Variants in CAMK1D observed in about 807,000 individuals in gnomAD.
CAMK1D encodes the protein calcium/calmodulin-dependent protein kinase type 1D.
CAMK1D carries 9 observed loss-of-function variants against 47.7 expected under a neutral mutation model. The observed-to-expected ratio is 0.19, with a 90% confidence interval of 0.11 to 0.33. The LOEUF is 0.33. Among genes scored for constraint, CAMK1D ranks in the 10% least tolerant of loss-of-function variants. The pLI is 1.00. For missense variants in CAMK1D, 291 were observed against 488.7 expected, an observed-to-expected ratio of 0.60 and a Z score of 3.81; for synonymous variants, 184 against 184.9, an observed-to-expected ratio of 0.99 and a Z score of 0.04.
intron 2 of CAMK1D, among the ~76,000 whole-genome samples, chr10:12,567,364 C>T (rs2132304436): frequency 6.6e-6 from 1 of 152,274 alleles, no homozygotes; most frequent in African/African-American, 2.4e-5. Flanking sequence ...TGATGGACAA[C>T]AGAGCGAGTC....
intron 1 of CAMK1D, among the ~76,000 whole-genome samples, chr10:12,384,614 T>G (rs1368067612): frequency 2.6e-5 from 4 of 152,308 alleles, no homozygotes; most frequent in Non-Finnish European, 5.9e-5. Flanking sequence ...AAAATAGTGC[T>G]GGAGCAACTA....
intron 1 of CAMK1D, among the ~76,000 whole-genome samples, chr10:12,373,621 G>C (rs1023306474): frequency 1.3e-5 from 2 of 151,996 alleles, no homozygotes; most frequent in Non-Finnish European, 2.9e-5. Flanking sequence ...GACAGAGGGA[G>C]GCTCCATCTC....
intron 1 of CAMK1D, among the ~76,000 whole-genome samples, chr10:12,423,075 C>T (rs904319126): frequency 1.3e-5 from 2 of 152,170 alleles, no homozygotes; most frequent in South Asian, 2.1e-4. Flanking sequence ...CTAGAAAGCA[C>T]GCGATGTTTT....
intron 1 of CAMK1D, among the ~76,000 whole-genome samples, chr10:12,352,740 C>A (rs112133012): frequency 1.8e-5 from 1 of 54,170 alleles, no homozygotes; most frequent in African/African-American, 6.9e-5. Flanking sequence ...TGTGGACTTT[C>A]TTTTTTTTTT....
chr10:12,735,322 T>A (rs1266807041), intron 3 of CAMK1D, among the ~76,000 whole-genome samples: 5 of 151,538 alleles, frequency 3.3e-5, no homozygotes, highest in Non-Finnish European at 7.4e-5. Flanking sequence ...CTAAAAATAT[T>A]AAAAAATTAG....
chr10:12,745,733 G>A (rs574542360), intron 3 of CAMK1D, among the ~76,000 whole-genome samples: 1 of 152,062 alleles, frequency 6.6e-6, no homozygotes, highest in African/African-American at 2.4e-5. Context: ...CTCCCGAGTA[G>A]CTGGGATTAC....
At chr10:12,396,110 G>A (rs1564312710) in intron 1 of CAMK1D, among the ~76,000 whole-genome samples, 2 of 152,030 alleles carry the variant, frequency 1.3e-5, no homozygotes, top group Non-Finnish European at 2.9e-5. Flanking sequence ...CTGACCTCAG[G>A]TGAATCACCC....
At chr10:12,404,946 A>G (rs1839365360) in intron 1 of CAMK1D, among the ~76,000 whole-genome samples, 1 of 151,972 alleles carries the variant, frequency 6.6e-6, no homozygotes, top group Non-Finnish European at 1.5e-5. Context: ...CAGCCTCCCA[A>G]AGTGCTGGGA....
chr10:12,550,952 G>A (rs7075941), intron 1 of CAMK1D, among the ~76,000 whole-genome samples: 81,472 of 152,048 alleles, frequency 0.54, 22,313 homozygotes, highest in Non-Finnish European at 0.61. Flanking sequence ...TGCATTTAGC[G>A]TCCCTTGGAT....
chr10:12,691,421 A>AT (rs869207786), intron 3 of CAMK1D, among the ~76,000 whole-genome samples: 5 of 4,316 alleles, frequency 1.2e-3, no homozygotes, highest in African/African-American at 3.1e-3. Flanking sequence ...ATATATATAT[A>AT]TTTTTTTTTT....
chr10:12,695,668 T>C (rs1354499887), intron 3 of CAMK1D, among the ~76,000 whole-genome samples: 1 of 152,160 alleles, frequency 6.6e-6, no homozygotes, highest in Non-Finnish European at 1.5e-5. Flanking sequence ...GCTGTCTCCT[T>C]TTTGTTACTA....
At chr10:12,803,054 T>C (rs535514989) in intron 6 of CAMK1D, among the ~76,000 whole-genome samples, 1 of 152,340 alleles carries the variant, frequency 6.6e-6, no homozygotes, top group South Asian at 2.1e-4. Context: ...CCCTTAGATG[T>C]AAGCAAGTAG....
intron 2 of CAMK1D, among the ~76,000 whole-genome samples, chr10:12,569,801 C>T (rs1009390510): frequency 1.9e-4 from 28 of 151,184 alleles, no homozygotes; most frequent in African/African-American, 6.3e-4. Flanking sequence ...TTTAAGTGCT[C>T]GAAACCAGTG....
chr10:12,785,459 G>A lies in CAMK1D; in HGVS notation c.566-5699G>A, dbSNP rs184036551. Among the ~76,000 whole-genome samples the A allele has an allele frequency of 6.9e-4, 105 of 152,282 alleles. 2 individuals are homozygous for A. The highest frequency in any genetic ancestry group is 2.5e-3 in the African/African-American group (102 of 41,560). ...TCCTTGTCAGGTTCCCCAATCACAC[G>A]TGAATTCTGCTGCATACGATTAGAA... On this transcript the variant is annotated intron_variant, in intron 5 of 10. Transcript: ENST00000619168.
chr10:12,698,553 G>A (rs944422089), intron 3 of CAMK1D, among the ~76,000 whole-genome samples: 16 of 152,044 alleles, frequency 1.1e-4, no homozygotes, highest in South Asian at 4.1e-4. Context: ...CGGGAGACTT[G>A]TAAGTGCTGA....
chr10:12,737,993 C>G (rs1835258959), intron 3 of CAMK1D, among the ~76,000 whole-genome samples: 1 of 151,996 alleles, frequency 6.6e-6, no homozygotes. Flanking sequence ...AGTGTAAAAT[C>G]AAAAATTAAA....
intron 3 of CAMK1D, among the ~76,000 whole-genome samples, chr10:12,695,060 A>ATAGATAGATAGATACATAGG (rs1554811991): frequency 0.016 from 1,381 of 85,916 alleles, 9 homozygotes; most frequent in South Asian, 0.019. Context: ...AGATAGATAG[A>ATAGATAGATAGATACATAGG]TAGATACATA....
intron 8 of CAMK1D, among the ~76,000 whole-genome samples, chr10:12,819,323 T>C (rs1392632237): frequency 6.6e-6 from 1 of 152,160 alleles, no homozygotes; most frequent in African/African-American, 2.4e-5. Context: ...TAAAACTGCA[T>C]GTGCGTTCCT....
intron 2 of CAMK1D, among the ~76,000 whole-genome samples, chr10:12,624,962 TCTCCTTCTCTTC>T (rs1436995878): frequency 6.6e-6 from 1 of 150,628 alleles, no homozygotes; most frequent in South Asian, 2.1e-4. Context: ...TCTTCCCCCT[TCTCCTTCTCTTC>T]CTCCTTCTCC....
Sources: gnomAD v4.1 joint callset for allele counts (sites outside exome capture counted in the v4.1 genomes callset) on GRCh38, gnomAD v4.1.1 for gene constraint, MANE v1.5 for transcripts, NCBI Gene and HGNC (gene_info 2026-07-23, HGNC 2026-07-21) for gene names.